CALN1: variants seen among roughly 807,000 people sequenced by gnomAD.
CALN1 encodes the protein calneuron 1.
A neutral mutation model predicts 30.6 loss-of-function variants in CALN1; 17 were observed. That is an observed-to-expected ratio of 0.56 (90% confidence interval 0.38 to 0.83). CALN1 has a LOEUF of 0.83. Among genes scored for constraint, CALN1 ranks in the 40% least tolerant of loss-of-function variants. The probability of loss-of-function intolerance (pLI) is 0.00; values close to 1 mark genes in which losing one functional copy is unlikely to be tolerated. For missense variants in CALN1, 291 were observed against 354.9 expected, an observed-to-expected ratio of 0.82 and a Z score of 1.45; for synonymous variants, 156 against 131.4, an observed-to-expected ratio of 1.19 and a Z score of -1.28.
At chr7:72,377,653 T>C (rs1408990101) in intron 2 of CALN1, among the ~76,000 whole-genome samples, 2 of 152,212 alleles carry the variant, frequency 1.3e-5, no homozygotes, top group African/African-American at 4.8e-5. Flanking sequence ...TTATTTGTCG[T>C]ATGTGGGCAT....
intron 5 of CALN1, among the ~76,000 whole-genome samples, chr7:71,855,978 T>TAC (rs553920729): frequency 2.4e-3 from 369 of 152,236 alleles, no homozygotes; most frequent in African/African-American, 8.4e-3. Context: ...GCACATTATA[T>TAC]ACACACACAT....
intron 2 of CALN1, among the ~76,000 whole-genome samples, chr7:72,338,846 A>G (rs1203282965): frequency 1.3e-5 from 2 of 151,866 alleles, no homozygotes; most frequent in East Asian, 3.9e-4. Context: ...AATATGAGTT[A>G]TTGACTATAG....
At chr7:72,325,222 C>G (rs1801187460) in intron 2 of CALN1, among the ~76,000 whole-genome samples, 1 of 152,100 alleles carries the variant, frequency 6.6e-6, no homozygotes, top group African/African-American at 2.4e-5. Context: ...CATTTGAGCC[C>G]AGGAAGTTGA....
the CALN1 span, among the ~76,000 whole-genome samples, chr7:72,504,206 G>T: frequency 6.6e-6 from 1 of 152,146 alleles, no homozygotes; most frequent in Non-Finnish European, 1.5e-5. Flanking sequence ...CGGCTTCATA[G>T]GCAATAAATC....
At chr7:72,417,691 C>T (rs1164397107) in intron 1 of CALN1, among the ~76,000 whole-genome samples, 2 of 152,156 alleles carry the variant, frequency 1.3e-5, no homozygotes, top group Non-Finnish European at 2.9e-5. Flanking sequence ...TAATTCTTGG[C>T]GGCAGAGTTG....
At chr7:72,171,364 C>T (rs1314484904) in intron 3 of CALN1, among the ~76,000 whole-genome samples, 3 of 152,014 alleles carry the variant, frequency 2.0e-5, no homozygotes, top group Non-Finnish European at 4.4e-5. Context: ...GTGGTACACA[C>T]CTATAAATCC....
intron 1 of CALN1, among the ~76,000 whole-genome samples, chr7:72,429,795 A>G (rs2968506): frequency 0.81 from 120,401 of 149,402 alleles, 48,703 homozygotes; most frequent in East Asian, 1. Context: ...ATATGTATAT[A>G]TGTGTGTGTA....
At chr7:72,369,017 G>GT (rs1320154077) in intron 2 of CALN1, among the ~76,000 whole-genome samples, 3 of 151,538 alleles carry the variant, frequency 2.0e-5, no homozygotes, top group East Asian at 3.9e-4. Flanking sequence ...GTTTCACCAT[G>GT]TTGGCCAGGC....
chr7:71,922,309 G>T (rs1168791946), intron 5 of CALN1, among the ~76,000 whole-genome samples: 1 of 151,934 alleles, frequency 6.6e-6, no homozygotes, highest in Non-Finnish European at 1.5e-5. Context: ...CATTGAGCAA[G>T]AATTAACTGC....
intron 5 of CALN1, among the ~76,000 whole-genome samples, chr7:71,995,797 G>T (rs778274155): frequency 7.9e-5 from 12 of 151,434 alleles, no homozygotes. Flanking sequence ...CCTTGTGGTT[G>T]AATCCACTAT....
intron 3 of CALN1, among the ~76,000 whole-genome samples, chr7:72,178,828 T>A (rs914410362): frequency 2.6e-5 from 4 of 152,210 alleles, no homozygotes; most frequent in Non-Finnish European, 5.9e-5. Context: ...TTAGACCCCA[T>A]TGAAAAATAA....
intron 5 of CALN1, among the ~76,000 whole-genome samples, chr7:71,993,568 T>C (rs1047867628): frequency 6.6e-6 from 1 of 151,688 alleles, no homozygotes; most frequent in Non-Finnish European, 1.5e-5. Flanking sequence ...GCGATTCTCC[T>C]GCCTCCACCT....
intron 4 of CALN1, among the ~76,000 whole-genome samples, chr7:72,039,052 T>C (rs1482282798): frequency 6.6e-6 from 1 of 152,232 alleles, no homozygotes; most frequent in African/African-American, 2.4e-5. Flanking sequence ...TCAGGACCCC[T>C]TTCCTGTAAC....
At chr7:72,354,155 C>G (rs1171651459) in intron 2 of CALN1, among the ~76,000 whole-genome samples, 1 of 152,146 alleles carries the variant, frequency 6.6e-6, no homozygotes. Context: ...CCACTGCACT[C>G]CAGCCTGGGT....
rs577141019 is a variant in CALN1 at position 71,987,074 on chromosome 7, C to T, written c.501+36583G>A. Among the ~76,000 whole-genome samples, 19 of 151,540 alleles carry T rather than the reference C, an allele frequency of 1.3e-4. No homozygotes were observed. In the East Asian group the frequency reaches 1.4e-3, roughly 11 times the overall value. ...CTGGGAGGCAGAGGTTGCAGTGAGC[C>T]GAGATCCCGCTACTGCACTCCAGCC... On this transcript the variant is annotated intron_variant, in intron 5 of 6. Coordinates refer to ENST00000395275, the MANE Select transcript of CALN1 (RefSeq NM_031468.4).
chr7:72,261,601 G>C (rs1056856473), intron 3 of CALN1, among the ~76,000 whole-genome samples: 2 of 151,952 alleles, frequency 1.3e-5, no homozygotes, highest in African/African-American at 2.4e-5. Context: ...CTTTTTCAAC[G>C]ATTTTCTGTA....
At chr7:72,460,923 A>G in the CALN1 span, among the ~76,000 whole-genome samples, 1 of 152,170 alleles carries the variant, frequency 6.6e-6, no homozygotes, top group Non-Finnish European at 1.5e-5. Context: ...GTCTGGGTTC[A>G]GCTCCATGGC....
In CALN1 at chr7:72,213,711, G is replaced by A. The variant is rs185753568; in HGVS notation, c.244+64975C>T. On this transcript the variant is annotated intron_variant, in intron 3 of 6. Coordinates refer to ENST00000395275, the MANE Select transcript of CALN1 (RefSeq NM_031468.4). ...AGAGGGGATGGCAGCTCTGAGAAGT[G>A]TTGCCACAAGGCTCTGTGACCAGCT... is the stretch of plus-strand genomic sequence containing the variant. 2.0e-5 allele frequency among the ~76,000 whole-genome samples: 3 copies of A among 152,286 alleles called. No individual in the cohort carries two copies. The East Asian group carries it at 5.8e-4, about 29-fold the overall frequency.
At chr7:72,201,461 C>T (rs900845249) in intron 3 of CALN1, among the ~76,000 whole-genome samples, 2 of 151,778 alleles carry the variant, frequency 1.3e-5, no homozygotes, top group Non-Finnish European at 1.5e-5. Flanking sequence ...CATGGTGGTG[C>T]GCACCTATAA....
Sources: gnomAD v4.1 joint callset for allele counts (sites outside exome capture counted in the v4.1 genomes callset) on GRCh38, gnomAD v4.1.1 for gene constraint, MANE v1.5 for transcripts, NCBI Gene and HGNC (gene_info 2026-07-23, HGNC 2026-07-21) for gene names.